Variants in SANBR observed in about 807,000 individuals in gnomAD.
The protein encoded by SANBR is SANT and BTB domain regulator of CSR.
SANBR carries 77 observed loss-of-function variants against 101.8 expected under a neutral mutation model. The observed-to-expected ratio is 0.76, with a 90% CI of 0.63 to 0.91. The LOEUF is 0.91. Among genes scored for constraint, SANBR ranks in the 40% least tolerant of loss-of-function variants. SANBR has a pLI of 0.00. For synonymous variants in SANBR, 279 were observed against 274.7 expected, an observed-to-expected ratio of 1.02 and a Z score of -0.15; for missense variants, 875 against 853.0, an observed-to-expected ratio of 1.03 and a Z score of -0.32.
chr2:61,081,880 C>G (rs995558451), intron 7 of SANBR, among the ~76,000 whole-genome samples: 2 of 152,146 alleles, frequency 1.3e-5, no homozygotes, highest in African/African-American at 4.8e-5. Flanking sequence ...AACTCCTAAT[C>G]TCAAGCAATC....
chr2:61,134,691 G>A (rs981868675), intron 21 of SANBR, among the ~76,000 whole-genome samples: 1 of 152,050 alleles, frequency 6.6e-6, no homozygotes, highest in Non-Finnish European at 1.5e-5. Context: ...TCAGGATTGA[G>A]ACCATCCTGG....
At chr2:61,107,864 TGACA>T (rs1683650287) in intron 14 of SANBR, among the ~76,000 whole-genome samples, 1 of 151,344 alleles carries the variant, frequency 6.6e-6, no homozygotes, top group African/African-American at 2.4e-5. Context: ...CCAGCCTGGG[TGACA>T]GAGTGAGACT....
rs201047293 is a variant in SANBR, at chr2:61,070,454, A to G, written c.104A>G (p.Asn35Ser). 5.6e-5 allele frequency: 89 copies of G among 1,603,094 alleles called. No individual in the cohort carries two copies. In the Middle Eastern group the frequency reaches 6.6e-4, roughly 12 times the overall value. The change falls in exon 3 of 22, where the codon AAC (asparagine) becomes AGC (serine). Residue 35 changes from asparagine to serine, a missense_variant. Coordinates refer to ENST00000402291, the MANE Select transcript of SANBR (RefSeq NM_001129993.3). The part of the protein sequence containing the change: ...YPLIGIPQTI[N>S]WETIARLVPG... ...TTAATTGGAATCCCTCAGACTATCA[A>G]CTGGGAAACTATAGCAAGGCTCGTG...
At position 61,097,956 on chromosome 2, in the gene SANBR, C is replaced by T. The variant is rs73932682; in HGVS notation, c.1365+104C>T. ...ACAATACATAAATATAGTAAGAAGC[C>T]GTTCCTCTTTATAACACTCCCCCAT... is the stretch of plus-strand genomic sequence containing the variant. On this transcript the variant is annotated intron_variant, in intron 12 of 21. Coordinates refer to ENST00000402291, the MANE Select transcript of SANBR (RefSeq NM_001129993.3). 14,510 of 906,464 alleles carry T rather than the reference C, an allele frequency of 0.016. 1,528 individuals are homozygous for T. The African/African-American group carries it at 0.22, about 14-fold the overall frequency. 56.2% of individuals were successfully genotyped at this position (906,464 alleles called of 1,614,324 possible).
chr2:61,066,557 G>A (rs1257180947), intron 1 of SANBR: 1 of 152,566 alleles, frequency 6.6e-6, no homozygotes, highest in African/African-American at 2.4e-5. Flanking sequence ...CAGGAAGCCT[G>A]GGTACAAGGC....
At chr2:61,111,793 G>A (rs1312693817) in intron 16 of SANBR, among the ~76,000 whole-genome samples, 1 of 152,166 alleles carries the variant, frequency 6.6e-6, no homozygotes, top group Non-Finnish European at 1.5e-5. Flanking sequence ...TCATATGAAT[G>A]GAATCATGAG....
At chr2:61,136,742 T>G (rs1277774553) in intron 21 of SANBR, among the ~76,000 whole-genome samples, 1 of 150,608 alleles carries the variant, frequency 6.6e-6, no homozygotes, top group Admixed American at 6.6e-5. Flanking sequence ...GAGGCCGAGG[T>G]GGGTGGATCA....
intron 8 of SANBR, 74 bp from the exon 9 acceptor site, chr2:61,088,085 C>T (rs1052235737): frequency 2.7e-6 from 2 of 735,890 alleles, no homozygotes; most frequent in Non-Finnish European, 4.4e-6. Flanking sequence ...TACAAATGCA[C>T]AGATTGGTTT....
intron 16 of SANBR, among the ~76,000 whole-genome samples, chr2:61,110,938 C>A (rs1683801642): frequency 6.6e-6 from 1 of 152,012 alleles, no homozygotes; most frequent in Non-Finnish European, 1.5e-5. Flanking sequence ...CTTAGGTTAT[C>A]TTTTTAGAAA....
rs1684385493 is a variant in SANBR, at chr2:61,122,778, A to G, written c.*616A>G. On this transcript the variant is annotated 3_prime_UTR_variant, in exon 22 of 22. Transcript: ENST00000402291. Reference sequence around the variant, plus strand: ...TCGTGGAAAGTACAATGTTAATCCAACTTTTTTTTCTTTCAGTTTTTAATG... The same window carrying G: ...TCGTGGAAAGTACAATGTTAATCCAGCTTTTTTTTCTTTCAGTTTTTAATG... 2 of 985,374 alleles carry G rather than the reference A, an allele frequency of 2.0e-6. No individual in the cohort carries two copies. Among genetic ancestry groups the G allele is most frequent in the African/African-American group, 3.5e-5 (2 of 57,336 alleles). The allele number at this position is 985,374 out of a possible 1,614,324, so 61.0% of individuals were successfully genotyped here.
At chr2:61,130,928 T>TAAAA (rs1684667653) in intron 20 of SANBR, among the ~76,000 whole-genome samples, 1 of 7,712 alleles carries the variant, frequency 1.3e-4, no homozygotes, top group African/African-American at 4.1e-4. Flanking sequence ...AGACTCTGTC[T>TAAAA]CAAAAAAAAA....
chr2:61,116,049 G>A lies in SANBR; in HGVS notation c.1815G>A (p.Arg605=). The A allele has an allele frequency of 1.2e-6, 2 of 1,608,768 alleles. No individual in the cohort carries two copies. The highest frequency in any genetic ancestry group is 1.7e-6 in the Non-Finnish European group (2 of 1,178,062). The change falls in exon 17 of 22, where the codon AGG becomes AGA. Residue 605 remains arginine, a synonymous_variant. Transcript: ENST00000402291. ...AGGTATCTTCACCCTGTGCCCAGAG[G>A]AAAGAAAAGGCATTGGAGAAGGTAA... ...KKQVSSPCAQ[R]KEKALEKSAS... is the part of the protein sequence containing the mutation.
rs764493678 is a variant in SANBR at position 61,121,258 on chromosome 2, G to T, written c.2102G>T (p.Ser701Ile). The change falls in exon 21 of 22, where the codon AGC becomes ATC. Residue 701 changes from serine (S) to isoleucine (I), a missense_variant. Coordinates refer to ENST00000402291, the MANE Select transcript of SANBR (RefSeq NM_001129993.3). ...ASVPVSARQS[S>I]SEKNTRSKSR... ...GTGCCAGTTAGTGCACGCCAAAGCA[G>T]CTCAGAGAAAAACACAAGGTAAATC... 1.9e-6 allele frequency: 3 copies of T among 1,550,866 alleles called. No homozygotes were observed. The highest frequency in any genetic ancestry group is 1.2e-5 in the South Asian group (1 of 84,034).
chr2:61,096,871 G>T (rs1434168059), intron 11 of SANBR, among the ~76,000 whole-genome samples: 1 of 151,902 alleles, frequency 6.6e-6, no homozygotes, highest in Non-Finnish European at 1.5e-5. Flanking sequence ...ATGCATCAAG[G>T]GGCCAGGCAT....
intron 20 of SANBR, among the ~76,000 whole-genome samples, chr2:61,130,698 C>T (rs764624355): frequency 1.4e-4 from 21 of 151,340 alleles, no homozygotes; most frequent in Non-Finnish European, 2.8e-4. Context: ...CCTGTAATCC[C>T]AGCACTTTGG....
rs1048465876 is a variant in SANBR at position 61,103,760 on chromosome 2, C to T, written c.1366-93C>T. ...AAAAAGTTATAAAATATGTATATGA[C>T]AATATGACTTGGCAAAGAAAAGAAA... is the stretch of plus-strand genomic sequence containing the variant. On this transcript the variant is annotated intron_variant, in intron 12 of 21. Coordinates refer to ENST00000402291, the MANE Select transcript of SANBR (RefSeq NM_001129993.3). 7 of 1,140,884 alleles carry T rather than the reference C, an allele frequency of 6.1e-6. No homozygotes were observed. In the Admixed American group the frequency reaches 1.1e-4, roughly 18 times the overall value. 70.7% of individuals were successfully genotyped at this position (1,140,884 alleles called of 1,614,324 possible).
intron 12 of SANBR, among the ~76,000 whole-genome samples, chr2:61,099,120 T>G (rs536701626): frequency 1.3e-5 from 2 of 152,356 alleles, no homozygotes; most frequent in South Asian, 4.1e-4. Context: ...AGCCTGAGGC[T>G]GTTGTAGAAA....
At chr2:61,089,149 G>T (rs569949092) in intron 10 of SANBR, 1 of 984,798 alleles carries the variant, frequency 1.0e-6, no homozygotes, top group African/African-American at 1.7e-5. Context: ...GTAAATTTTG[G>T]TGAGGAAAAT....
chr2:61,074,364 C>T (rs987162571), intron 5 of SANBR, among the ~76,000 whole-genome samples: 1 of 151,982 alleles, frequency 6.6e-6, no homozygotes, highest in African/African-American at 2.4e-5. Flanking sequence ...AAAAATTCAC[C>T]CTTTTAAAGT....
Sources: gnomAD v4.1 joint callset for allele counts (sites outside exome capture counted in the v4.1 genomes callset) on GRCh38, gnomAD v4.1.1 for gene constraint, MANE v1.5 for transcripts, NCBI Gene and HGNC (gene_info 2026-07-23, HGNC 2026-07-21) for gene names.